The following PDE8B variants were observed in gnomAD, a reference collection of about 807,000 sequenced individuals.
PDE8B encodes high affinity cAMP-specific and IBMX-insensitive 3',5'-cyclic phosphodiesterase 8B.
PDE8B carries 26 observed loss-of-function variants against 101.3 expected under a neutral mutation model. The ratio of observed to expected loss-of-function variants is 0.26; its 90% CI spans 0.19 to 0.36. The LOEUF (loss-of-function observed/expected upper bound fraction) is 0.36. PDE8B is among the 10% of genes least tolerant of loss of function. The pLI, the probability that PDE8B is intolerant of heterozygous loss-of-function variation, is 1.00. For missense variants in PDE8B, 810 were observed against 1,163.1 expected, an observed-to-expected ratio of 0.70 and a Z score of 4.42; for synonymous variants, 424 against 429.3, an observed-to-expected ratio of 0.99 and a Z score of 0.15.
chr5:77,280,730 C>G (rs997623186), intron 1 of PDE8B, among the ~76,000 whole-genome samples: 2 of 152,118 alleles, frequency 1.3e-5, no homozygotes. Flanking sequence ...CCCGTCTCTA[C>G]TGAAAATACA....
At chr5:77,303,569 AAAAT>A (rs57327578) in intron 1 of PDE8B, among the ~76,000 whole-genome samples, 119,461 of 148,614 alleles carry the variant, frequency 0.8, 48,211 homozygotes, top group East Asian at 0.95. Flanking sequence ...ACTCCATCTC[AAAAT>A]AAATAAATAA....
the PDE8B span, among the ~76,000 whole-genome samples, chr5:77,202,232 C>T: frequency 6.6e-6 from 1 of 152,218 alleles, no homozygotes; most frequent in Non-Finnish European, 1.5e-5. Context: ...TCATTCCTGA[C>T]TTGCTTCACC....
At chr5:77,099,498 G>A in the PDE8B span, among the ~76,000 whole-genome samples, 8 of 152,264 alleles carry the variant, frequency 5.3e-5, no homozygotes, top group Non-Finnish European at 1.0e-4. Flanking sequence ...TCTCACTGCT[G>A]TGTGTTACTG....
the PDE8B span, among the ~76,000 whole-genome samples, chr5:77,203,424 G>T: frequency 0.69 from 104,680 of 152,178 alleles, 36,624 homozygotes; most frequent in East Asian, 0.96. Flanking sequence ...TGAGGGCAAA[G>T]ACTAAGTCTT....
At chr5:77,329,089 A>G in intron 4 of PDE8B, 32 bp downstream of exon 4, 3 of 1,529,388 alleles carry the variant, frequency 2.0e-6, no homozygotes, top group Non-Finnish European at 2.7e-6. Context: ...AGATGGAAGG[A>G]GTACTGTTCA....
chr5:77,305,153 G>T (rs1189426563), intron 1 of PDE8B, among the ~76,000 whole-genome samples: 1 of 152,184 alleles, frequency 6.6e-6, no homozygotes, highest in African/African-American at 2.4e-5. Context: ...ATAAAAAGTT[G>T]AAGACACTTG....
chr5:77,098,332 G>A, the PDE8B span, among the ~76,000 whole-genome samples: 1 of 151,086 alleles, frequency 6.6e-6, no homozygotes, highest in Non-Finnish European at 1.5e-5. Flanking sequence ...CACCCAGACT[G>A]GGATGCAGTG....
At chr5:77,099,363 A>T in the PDE8B span, among the ~76,000 whole-genome samples, 1 of 152,238 alleles carries the variant, frequency 6.6e-6, no homozygotes, top group African/African-American at 2.4e-5. Context: ...GGAATACTGT[A>T]GGCCAGAACT....
At chr5:77,341,676 C>T (rs1779223138) in intron 6 of PDE8B, among the ~76,000 whole-genome samples, 1 of 152,212 alleles carries the variant, frequency 6.6e-6, no homozygotes, top group Non-Finnish European at 1.5e-5. Flanking sequence ...GGAAATCCTT[C>T]CCTACAGTGC....
Position 77,346,502 on chromosome 5 carries a change from A to G in PDE8B, c.876+1571A>G, listed in dbSNP as rs540560741. ...CTAACAAACAACTTCTAGAATAGGGAACAGAGTCTTTCATTCTCCAGTTAT... is the reference window on the plus strand; with the variant it reads ...CTAACAAACAACTTCTAGAATAGGGGACAGAGTCTTTCATTCTCCAGTTAT... On this transcript the variant is annotated intron_variant, in intron 7 of 21. Coordinates refer to ENST00000264917, the MANE Select transcript of PDE8B (RefSeq NM_003719.5). Among the ~76,000 whole-genome samples, 3 of 152,336 alleles carry G rather than the reference A, an allele frequency of 2.0e-5. No individual in the cohort carries two copies. In the South Asian group the frequency reaches 6.2e-4, roughly 32 times the overall value.
intron 14 of PDE8B, among the ~76,000 whole-genome samples, chr5:77,411,392 G>A (rs976035240): frequency 5.9e-5 from 9 of 152,190 alleles, no homozygotes; most frequent in South Asian, 2.1e-4. Flanking sequence ...TGCCAGGAGA[G>A]GAAGATGGCC....
At chr5:77,360,420 T>A (rs1782890251) in intron 10 of PDE8B, among the ~76,000 whole-genome samples, 2 of 152,212 alleles carry the variant, frequency 1.3e-5, no homozygotes, top group South Asian at 4.1e-4. Flanking sequence ...ATATACCAAT[T>A]TTTAGGCCAC....
At chr5:77,287,265 T>A (rs1340831261) in intron 1 of PDE8B, among the ~76,000 whole-genome samples, 1 of 152,066 alleles carries the variant, frequency 6.6e-6, no homozygotes, top group Non-Finnish European at 1.5e-5. Context: ...AGTATATTTT[T>A]ACTAAGTATA....
intron 1 of PDE8B, among the ~76,000 whole-genome samples, chr5:77,229,940 CTATTGGGTATATACTAG>C (rs1196515232): frequency 6.6e-6 from 1 of 152,122 alleles, no homozygotes; most frequent in African/African-American, 2.4e-5. Context: ...GGTTTTATTT[CTATTGGGTATATACTAG>C]GAGTAGAACT....
At chr5:77,153,153 C>G in the PDE8B span, among the ~76,000 whole-genome samples, 1 of 152,130 alleles carries the variant, frequency 6.6e-6, no homozygotes, top group African/African-American at 2.4e-5. Context: ...CATGGCAAAG[C>G]ATTACTCACC....
At chr5:77,112,916 G>T in the PDE8B span, 1 of 152,050 alleles carries the variant, frequency 6.6e-6, no homozygotes, top group Non-Finnish European at 1.5e-5. Context: ...TCCCATTCAC[G>T]ATTGCTTCAA....
intron 18 of PDE8B, among the ~76,000 whole-genome samples, chr5:77,418,915 C>G (rs1796095932): frequency 6.6e-6 from 1 of 152,160 alleles, no homozygotes; most frequent in Admixed American, 6.5e-5. Flanking sequence ...TGAGCAGGTC[C>G]TCTTGCCTCC....
intron 8 of PDE8B, 54 bp downstream of exon 8, chr5:77,349,613 T>A: frequency 6.3e-7 from 1 of 1,594,958 alleles, no homozygotes; most frequent in Non-Finnish European, 8.6e-7. Context: ...TGCACTTTTT[T>A]TTCTGAGTTT....
chr5:77,289,913 G>A (rs1766887153), intron 1 of PDE8B, among the ~76,000 whole-genome samples: 1 of 152,190 alleles, frequency 6.6e-6, no homozygotes, highest in African/African-American at 2.4e-5. Context: ...AAGAGCTTAT[G>A]CTGTGATGAC....
Sources: allele counts gnomAD v4.1 joint callset (sites outside exome capture counted in the v4.1 genomes callset), GRCh38; gene constraint gnomAD v4.1.1; transcripts MANE v1.5; gene names NCBI Gene and HGNC (gene_info 2026-07-23, HGNC 2026-07-21).